Variants in MTTP observed in about 807,000 individuals in gnomAD.
The protein encoded by MTTP is microsomal triglyceride transfer protein large subunit.
MTTP carries 49 observed loss-of-function variants against 90.6 expected under a neutral mutation model. The observed-to-expected ratio is 0.54, with a 90% CI of 0.43 to 0.69. MTTP has a LOEUF of 0.69. Ranked by LOEUF, MTTP falls within the 30% of genes least tolerant of loss-of-function variation. MTTP has a pLI of 0.00. For synonymous variants in MTTP, 347 were observed against 384.2 expected, an observed-to-expected ratio of 0.90 and a Z score of 1.13; for missense variants, 945 against 1,067.5, an observed-to-expected ratio of 0.89 and a Z score of 1.60.
In MTTP at chr4:99,591,241, A is replaced by T; in HGVS notation, c.508A>T (p.Ile170Phe). ...CCCTTGCCTTTCTTTTTAGGTAGAT[A>T]TCTCTGGAAATTGTAAAGTGACCTA... ...LSSGTTNEVD[I>F]SGNCKVTYQA... Residue 170 changes from isoleucine (I) to phenylalanine (F), a missense_variant, in exon 5 of 18, where the codon ATC (isoleucine) becomes TTC (phenylalanine). Transcript: ENST00000265517. The T allele has an allele frequency of 6.2e-7, 1 of 1,605,900 alleles. No homozygotes were observed. The highest frequency in any genetic ancestry group is 8.5e-7 in the Non-Finnish European group (1 of 1,172,704).
intron 1 of MTTP, among the ~76,000 whole-genome samples, chr4:99,577,865 C>T (rs1725007599): frequency 6.6e-6 from 1 of 152,112 alleles, no homozygotes; most frequent in Admixed American, 6.5e-5. Context: ...AATTTTGTCA[C>T]CTTTAAACCT....
chr4:99,616,760 TG>T (rs1039785170), intron 15 of MTTP, among the ~76,000 whole-genome samples: 3 of 152,152 alleles, frequency 2.0e-5, no homozygotes, highest in African/African-American at 7.2e-5. Flanking sequence ...TGTCCCTTTG[TG>T]TAAGGAAGTA....
chr4:99,611,117 GC>G, intron 12 of MTTP, 25 bp from the exon 13 acceptor site: 2 of 1,591,094 alleles, frequency 1.3e-6, no homozygotes, highest in Non-Finnish European at 1.7e-6. Flanking sequence ...TGAATGTGCA[GC>G]TTTTTTTTTC....
chr4:99,567,099 C>T (rs1282227467), intron 1 of MTTP, among the ~76,000 whole-genome samples: 1 of 152,120 alleles, frequency 6.6e-6, no homozygotes, highest in Non-Finnish European at 1.5e-5. Context: ...ACCTGCATTT[C>T]GACTGACTCC....
chr4:99,567,034 A>G (rs1381140768), intron 1 of MTTP, among the ~76,000 whole-genome samples: 3 of 152,224 alleles, frequency 2.0e-5, no homozygotes, highest in African/African-American at 7.2e-5. Flanking sequence ...ATTTTTAAAC[A>G]TGACTTGAAA....
chr4:99,600,824 G>A (rs1578246872), intron 9 of MTTP, 91 bp downstream of exon 9: 3 of 1,275,846 alleles, frequency 2.4e-6, no homozygotes, highest in African/African-American at 1.5e-5. Context: ...TCTGAATGAA[G>A]GCTATCAACT....
At chr4:99,601,310 C>A (rs1453051844) in intron 9 of MTTP, among the ~76,000 whole-genome samples, 1 of 143,466 alleles carries the variant, frequency 7.0e-6, no homozygotes, top group East Asian at 2.0e-4. Context: ...ATTTTATAAC[C>A]CTCACCCCTC....
upstream of MTTP, chr4:99,570,769 T>C (rs569909289): frequency 2.0e-5 from 9 of 455,746 alleles, no homozygotes; most frequent in African/African-American, 8.0e-5. Context: ...CAGAGTGATA[T>C]GAAGTAAAAA....
chr4:99,590,017 G>C (rs1725375989), intron 4 of MTTP, among the ~76,000 whole-genome samples: 1 of 152,178 alleles, frequency 6.6e-6, no homozygotes, highest in South Asian at 2.1e-4. Flanking sequence ...GTGCACCACT[G>C]TACCATGGAG....
In MTTP at chr4:99,583,524, G is replaced by C. The variant is rs371894739; in HGVS notation, c.393+7G>C. 6.2e-7 allele frequency: 1 copy of C among 1,613,432 alleles called. No individual in the cohort carries two copies. The highest frequency in any genetic ancestry group is 1.1e-5 in the South Asian group (1 of 91,060). On this transcript the variant is annotated splice_region_variant and intron_variant, in intron 3 of 17. Transcript: ENST00000265517. ...TCATCTAATCCATGGAAAGGTAAAG[G>C]GGCGTTTAGATTCCACAACTTTTTC...
At chr4:99,571,997 C>A (rs1724851646), upstream of MTTP, among the ~76,000 whole-genome samples, 1 of 151,556 alleles carries the variant, frequency 6.6e-6, no homozygotes, top group Non-Finnish European at 1.5e-5. Context: ...CTTTCTATAT[C>A]TAGTAGGGTA....
In MTTP at chr4:99,606,815, G is replaced by A. The variant is rs778958930; in HGVS notation, c.1412G>A (p.Arg471Lys). ...AAAGCAGAGAAAAAAGAGGACACCA[G>A]GATGTATCTGCTGGCTTTGAAGAAT... The part of the protein sequence containing the change: ...LEKAEKKEDT[R>K]MYLLALKNAL... Residue 471 changes from arginine (R) to lysine (K), a missense_variant, in exon 11 of 18, where the codon AGG (arginine) becomes AAG (lysine). Physicochemically the swap from Arg to Lys is conservative, Grantham distance 26. Transcript: ENST00000265517. The A allele has an allele frequency of 6.2e-7, 1 of 1,614,104 alleles. No homozygotes were observed. Among genetic ancestry groups the A allele is most frequent in the Non-Finnish European group, 8.5e-7 (1 of 1,179,994 alleles).
At chr4:99,587,215 T>C (rs879537587) in intron 3 of MTTP, among the ~76,000 whole-genome samples, 1 of 152,182 alleles carries the variant, frequency 6.6e-6, no homozygotes, top group Non-Finnish European at 1.5e-5. Context: ...TTAGCTGGTA[T>C]GGATATCAGT....
chr4:99,591,480 A>G (rs1578241148), intron 5 of MTTP, 129 bp downstream of exon 5: 4 of 1,097,102 alleles, frequency 3.6e-6, no homozygotes, highest in East Asian at 2.6e-5. Context: ...TAGGCTACAA[A>G]TTCACACATA....
At chr4:99,581,398 T>G (rs1028297289) in intron 1 of MTTP, among the ~76,000 whole-genome samples, 1 of 152,220 alleles carries the variant, frequency 6.6e-6, no homozygotes, top group African/African-American at 2.4e-5. Context: ...GATAATTACA[T>G]TAATAGAGTA....
chr4:99,576,944 A>G (rs981475604), intron 1 of MTTP, among the ~76,000 whole-genome samples: 2 of 152,194 alleles, frequency 1.3e-5, no homozygotes, highest in Non-Finnish European at 2.9e-5. Flanking sequence ...TGGCATGTGG[A>G]TACATTGCTA....
Position 99,606,866 on chromosome 4 carries a change from G to A in MTTP, c.1463G>A (p.Ser488Asn). The A allele has an allele frequency of 6.2e-7, 1 of 1,614,086 alleles. No homozygotes were observed. The highest frequency in any genetic ancestry group is 2.2e-5 in the East Asian group (1 of 44,870). ...GCCCTGCTTCCAGAAGGCATCCCAA[G>A]TCTTCTGAAGTATGCAGAAGCAGGA... ...KNALLPEGIP[S>N]LLKYAEAGEG... Residue 488 changes from serine (S) to asparagine (N), a missense_variant, in exon 11 of 18, where the codon AGT (serine) becomes AAT (asparagine). Transcript: ENST00000265517.
At chr4:99,578,855 A>C (rs1228466918) in intron 1 of MTTP, among the ~76,000 whole-genome samples, 2 of 152,202 alleles carry the variant, frequency 1.3e-5, no homozygotes, top group African/African-American at 4.8e-5. Context: ...CTTACTTTTC[A>C]GAATTGCTCT....
chr4:99,618,946 T>G, intron 15 of MTTP, 28 bp from the exon 16 acceptor site: 1 of 1,606,994 alleles, frequency 6.2e-7, no homozygotes. Context: ...ATTATTTTTA[T>G]AACTATTATT....
Sources: allele counts gnomAD v4.1 joint callset (sites outside exome capture counted in the v4.1 genomes callset), GRCh38; gene constraint gnomAD v4.1.1; transcripts MANE v1.5; gene names NCBI Gene and HGNC (gene_info 2026-07-23, HGNC 2026-07-21).